MAMDC2: variants seen among roughly 807,000 people sequenced by gnomAD.
MAMDC2 encodes the protein MAM domain-containing protein 2.
A neutral mutation model predicts 89.8 loss-of-function variants in MAMDC2; 57 were observed. The observed-to-expected ratio is 0.63, with a 90% confidence interval of 0.51 to 0.79. MAMDC2 has a LOEUF of 0.79. Among genes scored for constraint, MAMDC2 ranks in the 30% least tolerant of loss-of-function variants. The pLI is 0.00. For missense variants in MAMDC2, 800 were observed against 820.6 expected (o/e 0.97, Z 0.31); for synonymous variants, 313 against 293.4 (o/e 1.07, Z -0.68).
chr9:70,220,599 G>A (rs1231384321), intron 12 of MAMDC2, among the ~76,000 whole-genome samples: 2 of 152,202 alleles, frequency 1.3e-5, no homozygotes, highest in Non-Finnish European at 2.9e-5. Context: ...CTGTACGTAA[G>A]TTCTTTCAAC....
At chr9:70,198,785 C>A (rs758120460) in intron 11 of MAMDC2, among the ~76,000 whole-genome samples, 3 of 152,240 alleles carry the variant, frequency 2.0e-5, no homozygotes. Flanking sequence ...TCCAAGAACA[C>A]AAGAACTTCT....
intron 11 of MAMDC2, among the ~76,000 whole-genome samples, chr9:70,192,051 A>G (rs1274675809): frequency 2.0e-5 from 3 of 152,096 alleles, no homozygotes; most frequent in African/African-American, 7.2e-5. Context: ...GCCACTTGGC[A>G]GCTGTTCTCT....
chr9:70,122,384 C>T (rs2030325534), intron 5 of MAMDC2, among the ~76,000 whole-genome samples: 1 of 152,194 alleles, frequency 6.6e-6, no homozygotes, highest in Non-Finnish European at 1.5e-5. Context: ...ATATTGTCCA[C>T]ACAGCAGGTG....
At chr9:70,160,474 A>C (rs559916338) in intron 9 of MAMDC2, among the ~76,000 whole-genome samples, 6 of 152,250 alleles carry the variant, frequency 3.9e-5, no homozygotes, top group Non-Finnish European at 7.4e-5. Flanking sequence ...TTGCATCTTC[A>C]ACATTAATTG....
At chr9:70,215,889 T>A (rs2033437039) in intron 11 of MAMDC2, among the ~76,000 whole-genome samples, 1 of 152,192 alleles carries the variant, frequency 6.6e-6, no homozygotes, top group Admixed American at 6.5e-5. Context: ...CCCACTGTTT[T>A]AATAAACTTA....
chr9:70,060,193 G>A (rs1827115550), intron 2 of MAMDC2, among the ~76,000 whole-genome samples: 1 of 152,148 alleles, frequency 6.6e-6, no homozygotes, highest in Non-Finnish European at 1.5e-5. Context: ...TCGAAGCAAA[G>A]AATCCCTCTC....
At chr9:70,193,730 C>T (rs759575730) in intron 11 of MAMDC2, among the ~76,000 whole-genome samples, 63 of 152,026 alleles carry the variant, frequency 4.1e-4, no homozygotes, top group Non-Finnish European at 7.1e-4. Context: ...CCTTGATGAC[C>T]ACAGGGTATT....
chr9:70,183,743 T>C (rs773513006), intron 11 of MAMDC2, among the ~76,000 whole-genome samples: 2 of 152,208 alleles, frequency 1.3e-5, no homozygotes, highest in Non-Finnish European at 2.9e-5. Flanking sequence ...TGTGTGTCTT[T>C]GCATGTGAGA....
At chr9:70,207,259 G>C (rs1020445990) in intron 11 of MAMDC2, among the ~76,000 whole-genome samples, 2 of 152,172 alleles carry the variant, frequency 1.3e-5, no homozygotes, top group African/African-American at 4.8e-5. Context: ...GTGTAAAAGT[G>C]TTCCTATTTC....
chr9:70,210,890 G>T (rs2033341679), intron 11 of MAMDC2, among the ~76,000 whole-genome samples: 1 of 152,160 alleles, frequency 6.6e-6, no homozygotes, highest in Non-Finnish European at 1.5e-5. Flanking sequence ...CACTTATGAA[G>T]CTTAGTTTGG....
intron 2 of MAMDC2, among the ~76,000 whole-genome samples, chr9:70,082,427 A>C (rs1360973296): frequency 6.6e-6 from 1 of 152,180 alleles, no homozygotes; most frequent in Non-Finnish European, 1.5e-5. Flanking sequence ...TCAAAAGCCA[A>C]GCTTCAGTCT....
chr9:70,097,808 C>T (rs1273760653), intron 2 of MAMDC2, among the ~76,000 whole-genome samples: 2 of 152,134 alleles, frequency 1.3e-5, no homozygotes, highest in Non-Finnish European at 2.9e-5. Context: ...CATTCATCCT[C>T]TTATCCATGG....
chr9:70,142,815 A>G (rs2118414642), intron 8 of MAMDC2, among the ~76,000 whole-genome samples: 1 of 152,312 alleles, frequency 6.6e-6, no homozygotes, highest in East Asian at 1.9e-4. Context: ...CAGGAGGAGG[A>G]GCAGAAAAAA....
chr9:70,224,523 T>C (rs1010975177), intron 12 of MAMDC2, among the ~76,000 whole-genome samples: 7 of 152,128 alleles, frequency 4.6e-5, no homozygotes, highest in African/African-American at 1.7e-4. Context: ...CTGAAGAACC[T>C]AGAGTTCTGA....
intron 11 of MAMDC2, among the ~76,000 whole-genome samples, chr9:70,212,724 CTG>C (rs2033381548): frequency 6.6e-6 from 1 of 152,188 alleles, no homozygotes; most frequent in Non-Finnish European, 1.5e-5. Flanking sequence ...GAGCTGTAGA[CTG>C]TAGCTGTTCC....
intron 7 of MAMDC2, among the ~76,000 whole-genome samples, chr9:70,135,038 G>A (rs1025817630): frequency 6.6e-6 from 1 of 152,176 alleles, no homozygotes; most frequent in Non-Finnish European, 1.5e-5. Flanking sequence ...GAAACGATGA[G>A]AAATGTTTCC....
intron 11 of MAMDC2, among the ~76,000 whole-genome samples, chr9:70,196,756 TG>T (rs2032981034): frequency 6.6e-6 from 1 of 152,058 alleles, no homozygotes; most frequent in Admixed American, 6.6e-5. Context: ...GCATAAAACA[TG>T]GAACGACAGA....
At chr9:70,141,185 T>C (rs1480884971) in intron 8 of MAMDC2, among the ~76,000 whole-genome samples, 1 of 152,180 alleles carries the variant, frequency 6.6e-6, no homozygotes, top group Non-Finnish European at 1.5e-5. Flanking sequence ...TTCTTAGAGG[T>C]TGCCTAACCT....
intron 2 of MAMDC2, among the ~76,000 whole-genome samples, chr9:70,104,819 G>T (rs553286307): frequency 1.3e-5 from 2 of 152,206 alleles, no homozygotes; most frequent in African/African-American, 4.8e-5. Flanking sequence ...ATGGATACAG[G>T]GTTTCCTTTT....
Sources: gnomAD v4.1 joint callset for allele counts (sites outside exome capture counted in the v4.1 genomes callset) on GRCh38, gnomAD v4.1.1 for gene constraint, MANE v1.5 for transcripts, NCBI Gene and HGNC (gene_info 2026-07-23, HGNC 2026-07-21) for gene names.